The following NUP37 variants were observed in gnomAD, a reference collection of about 807,000 sequenced individuals.
The protein encoded by NUP37 is nucleoporin 37.
In NUP37, 33 loss-of-function variants were observed where a neutral mutation model predicts 45.4. The observed-to-expected ratio is 0.73, with a 90% confidence interval of 0.55 to 0.97. NUP37 has a LOEUF of 0.97. Among genes scored for constraint, NUP37 ranks in the 50% least tolerant of loss-of-function variants. The probability of loss-of-function intolerance (pLI) is 0.00; values close to 1 mark genes in which losing one functional copy is unlikely to be tolerated. For missense variants in NUP37, 365 were observed against 389.7 expected, an observed-to-expected ratio of 0.94 and a Z score of 0.53; for synonymous variants, 127 against 130.7, an observed-to-expected ratio of 0.97 and a Z score of 0.19.
intron 2 of NUP37, among the ~76,000 whole-genome samples, chr12:102,114,333 G>C: frequency 6.6e-6 from 1 of 151,380 alleles, no homozygotes; most frequent in East Asian, 1.9e-4. Flanking sequence ...ATTACTGGGT[G>C]GTCATGGGGA....
At chr12:102,118,658 G>A (rs936647425) in intron 1 of NUP37, 75 bp from the exon 2 acceptor site, 2 of 688,638 alleles carry the variant, frequency 2.9e-6, no homozygotes, top group African/African-American at 3.6e-5. Flanking sequence ...AAATAAGGTT[G>A]TGGTGTTACA....
chr12:102,085,063 G>A (rs1879428747), intron 6 of NUP37, among the ~76,000 whole-genome samples: 1 of 152,152 alleles, frequency 6.6e-6, no homozygotes, highest in Non-Finnish European at 1.5e-5. Context: ...TGTTCACACA[G>A]TAGGGCTCAC....
chr12:102,076,321 A>C (rs1879165387), intron 8 of NUP37, among the ~76,000 whole-genome samples: 1 of 152,238 alleles, frequency 6.6e-6, no homozygotes, highest in African/African-American at 2.4e-5. Context: ...TAAAAAGCAG[A>C]AATAATGGCT....
intron 4 of NUP37, among the ~76,000 whole-genome samples, chr12:102,100,649 C>T (rs964938317): frequency 6.6e-6 from 1 of 152,166 alleles, no homozygotes; most frequent in East Asian, 1.9e-4. Flanking sequence ...GTGCTCTTAA[C>T]CGCTTTGGAA....
chr12:102,102,205 A>G (rs1879990289), intron 3 of NUP37, among the ~76,000 whole-genome samples: 1 of 152,220 alleles, frequency 6.6e-6, no homozygotes, highest in Non-Finnish European at 1.5e-5. Flanking sequence ...TAGTTTGAGT[A>G]CAGTGAGCCA....
At chr12:102,079,679 C>T (rs751268453) in intron 6 of NUP37, among the ~76,000 whole-genome samples, 2 of 152,298 alleles carry the variant, frequency 1.3e-5, no homozygotes, top group African/African-American at 2.4e-5. Flanking sequence ...CCTTCTTGCA[C>T]TTAGAACACT....
Position 102,120,101 on chromosome 12 carries a change from C to T in NUP37, c.-117G>A, listed in dbSNP as rs1286695062. ...GCAGGCTGGTCTTCCTTGGGGGCTGCCGCGACGCGCTGTGGCTCTGCTTCC... is the reference window on the plus strand; with the variant it reads ...GCAGGCTGGTCTTCCTTGGGGGCTGTCGCGACGCGCTGTGGCTCTGCTTCC... On this transcript the variant is annotated 5_prime_UTR_variant, in exon 1 of 10. Coordinates refer to ENST00000552283, the MANE Select transcript of NUP37 (RefSeq NM_024057.4). The T allele has an allele frequency of 1.7e-5, 3 of 173,062 alleles. No individual in the cohort carries two copies. The highest frequency in any genetic ancestry group is 3.8e-5 in the Non-Finnish European group (3 of 79,026). 10.7% of individuals were successfully genotyped at this position (173,062 alleles called of 1,614,324 possible). A position where few individuals can be genotyped will look rare whatever the true frequency, so the allele number is the denominator to read the frequency against.
Position 102,101,110 on chromosome 12 carries a change from A to G in NUP37, c.282-6T>C. On this transcript the variant is annotated splice_region_variant and splice_polypyrimidine_tract_variant and intron_variant, in intron 3 of 9. Transcript: ENST00000552283. ...CAGCAGCTGAAGTACAAAATCTGGA[A>G]GCAAAAAAACAAAAATATACCAATT... 6.4e-7 allele frequency: 1 copy of G among 1,552,214 alleles called. No individual in the cohort carries two copies. Among genetic ancestry groups the G allele is most frequent in the Non-Finnish European group, 8.7e-7 (1 of 1,145,130 alleles).
intron 5 of NUP37, among the ~76,000 whole-genome samples, chr12:102,092,244 A>G (rs796237468): frequency 1.3e-5 from 2 of 152,384 alleles, no homozygotes; most frequent in African/African-American, 4.8e-5. Flanking sequence ...AATGGATGAC[A>G]TTAAATGACA....
chr12:102,099,829 TTG>T (rs1565833986), intron 4 of NUP37, among the ~76,000 whole-genome samples: 1 of 152,212 alleles, frequency 6.6e-6, no homozygotes, highest in Non-Finnish European at 1.5e-5. Context: ...ATCTTCATAG[TTG>T]AAATCCTAAA....
At chr12:102,094,309 A>G (rs1004116144) in intron 5 of NUP37, among the ~76,000 whole-genome samples, 5 of 152,120 alleles carry the variant, frequency 3.3e-5, no homozygotes, top group South Asian at 2.1e-4. Context: ...AATTTTAACT[A>G]TAACAGTATA....
chr12:102,098,362 C>T (rs185659909), intron 5 of NUP37, among the ~76,000 whole-genome samples: 1 of 152,190 alleles, frequency 6.6e-6, no homozygotes, highest in East Asian at 1.9e-4. Flanking sequence ...TATGCAGAAA[C>T]CTCTGAATTT....
At position 102,077,346 on chromosome 12, in the gene NUP37, A is replaced by C; in HGVS notation, c.698T>G (p.Leu233Ter). 6.2e-7 allele frequency: 1 copy of C among 1,614,100 alleles called. No individual in the cohort carries two copies. The highest frequency in any genetic ancestry group is 8.5e-7 in the Non-Finnish European group (1 of 1,180,002). ...CCTGGACCGAGTAATATCCCAAATTAACCAATCATTTCCTGCAACGGCTCC... is the reference window on the plus strand; with the variant it reads ...CCTGGACCGAGTAATATCCCAAATTCACCAATCATTTCCTGCAACGGCTCC... The part of the protein sequence containing the change: ...KVGAVAGNDW[L>*]IWDITRSSYP... The change falls in exon 7 of 10, where the codon TTA becomes TGA. Residue 233 changes from leucine (L) to a stop codon, truncating the protein, a stop_gained. Coordinates refer to ENST00000552283, the MANE Select transcript of NUP37 (RefSeq NM_024057.4). LOFTEE classifies it high-confidence loss of function.
intron 8 of NUP37, among the ~76,000 whole-genome samples, chr12:102,075,581 A>G (rs1184336968): frequency 1.3e-5 from 2 of 152,226 alleles, no homozygotes; most frequent in African/African-American, 2.4e-5. Flanking sequence ...AAAATATTCC[A>G]TAAATATTTT....
chr12:102,099,794 A>G (rs1879920299), intron 4 of NUP37, among the ~76,000 whole-genome samples: 1 of 152,244 alleles, frequency 6.6e-6, no homozygotes, highest in South Asian at 2.1e-4. Flanking sequence ...GGACTGTGTG[A>G]GCAGATAAAG....
At chr12:102,107,952 T>C (rs1565836028) in intron 3 of NUP37, among the ~76,000 whole-genome samples, 1 of 152,178 alleles carries the variant, frequency 6.6e-6, no homozygotes, top group Non-Finnish European at 1.5e-5. Flanking sequence ...CCTCAAGTGT[T>C]AGTAATGTCC....
intron 1 of NUP37, chr12:102,119,124 A>C (rs1356055197): frequency 6.6e-6 from 1 of 152,302 alleles, no homozygotes. Context: ...TGAAGAAAAA[A>C]ACAGCCTCCT....
At chr12:102,086,826 G>A (rs535028595) in intron 5 of NUP37, among the ~76,000 whole-genome samples, 2 of 152,352 alleles carry the variant, frequency 1.3e-5, no homozygotes, top group East Asian at 3.9e-4. Context: ...GCTCATGCCT[G>A]TAATCCCAGC....
chr12:102,105,345 C>T (rs536203836), intron 3 of NUP37, among the ~76,000 whole-genome samples: 2 of 150,684 alleles, frequency 1.3e-5, no homozygotes, highest in Admixed American at 6.6e-5. Flanking sequence ...GGTAACATGG[C>T]AAAACCCCAT....
Sources: allele counts gnomAD v4.1 joint callset (sites outside exome capture counted in the v4.1 genomes callset), GRCh38; gene constraint gnomAD v4.1.1; transcripts MANE v1.5; gene names NCBI Gene and HGNC (gene_info 2026-07-23, HGNC 2026-07-21).